Variants in DCDC2 observed in about 807,000 individuals in gnomAD.
The protein encoded by DCDC2 is doublecortin domain-containing protein 2.
Under a neutral mutation model 50.2 loss-of-function variants are expected in DCDC2, and 40 were observed. The observed-to-expected ratio is 0.80, with a 90% CI of 0.62 to 1.04. The LOEUF is 1.04. Among genes scored for constraint, DCDC2 ranks in the 50% least tolerant of loss-of-function variants. The pLI is 0.00. For synonymous variants in DCDC2, 234 were observed against 210.6 expected, an observed-to-expected ratio of 1.11 and a Z score of -0.96; for missense variants, 570 against 581.9, an observed-to-expected ratio of 0.98 and a Z score of 0.21.
intron 6 of DCDC2, among the ~76,000 whole-genome samples, chr6:24,284,011 C>A (rs981615660): frequency 2.0e-5 from 3 of 152,182 alleles, no homozygotes; most frequent in Non-Finnish European, 2.9e-5. Context: ...TGGTGTATAT[C>A]ACACGTATTG....
chr6:24,270,545 GTGTCCTT>G (rs541281507), intron 7 of DCDC2, among the ~76,000 whole-genome samples: 2 of 152,222 alleles, frequency 1.3e-5, no homozygotes, highest in African/African-American at 4.8e-5. Flanking sequence ...ACATTTATCT[GTGTCCTT>G]TACATGTGAC....
upstream of DCDC2, among the ~76,000 whole-genome samples, chr6:24,360,215 C>T (rs1760643178): frequency 6.6e-6 from 1 of 152,234 alleles, no homozygotes; most frequent in Admixed American, 6.5e-5. Flanking sequence ...TTGCGCCTGG[C>T]TCCTTGGGAT....
intron 1 of DCDC2, among the ~76,000 whole-genome samples, chr6:24,354,968 C>G (rs933948531): frequency 1.3e-5 from 2 of 152,134 alleles, no homozygotes; most frequent in Non-Finnish European, 2.9e-5. Context: ...TAAATGAAAG[C>G]CCACGAATTG....
chr6:24,379,070 T>C, the DCDC2 span, among the ~76,000 whole-genome samples: 1 of 150,062 alleles, frequency 6.7e-6, no homozygotes, highest in Non-Finnish European at 1.5e-5. Flanking sequence ...GACTTAAAGG[T>C]AAGATCTAAA....
chr6:24,271,207 CAAAAA>C (rs543819229), intron 7 of DCDC2, among the ~76,000 whole-genome samples: 9 of 39,410 alleles, frequency 2.3e-4, no homozygotes, highest in African/African-American at 5.2e-4. Flanking sequence ...GACACTCCCT[CAAAAA>C]AAAAAAAAAA....
chr6:24,219,512 A>C (rs1313574030), intron 7 of DCDC2, among the ~76,000 whole-genome samples: 2 of 152,192 alleles, frequency 1.3e-5, no homozygotes, highest in Non-Finnish European at 2.9e-5. Flanking sequence ...TAATCTGCCA[A>C]CCATGACCCA....
chr6:24,307,471 CA>C (rs531686168), intron 2 of DCDC2, among the ~76,000 whole-genome samples: 36 of 152,144 alleles, frequency 2.4e-4, no homozygotes, highest in Non-Finnish European at 4.6e-4. Context: ...AGCCAACCTA[CA>C]CAAAAAAGCT....
intron 2 of DCDC2, among the ~76,000 whole-genome samples, chr6:24,352,834 G>C (rs755828389): frequency 1.3e-5 from 2 of 152,224 alleles, no homozygotes; most frequent in Non-Finnish European, 2.9e-5. Flanking sequence ...AATGGGAAGA[G>C]TGGCTGTCTG....
intron 7 of DCDC2, among the ~76,000 whole-genome samples, chr6:24,257,621 T>C (rs951787340): frequency 3.3e-5 from 5 of 150,702 alleles, no homozygotes; most frequent in African/African-American, 1.2e-4. Flanking sequence ...CAAAGAGACA[T>C]ACAAAAGACA....
At chr6:24,198,921 A>G (rs548651055) in intron 8 of DCDC2, among the ~76,000 whole-genome samples, 31 of 152,344 alleles carry the variant, frequency 2.0e-4, no homozygotes, top group African/African-American at 7.5e-4. Context: ...AGCCCACTGT[A>G]GCTCCTCAAA....
intron 2 of DCDC2, among the ~76,000 whole-genome samples, chr6:24,320,654 C>T (rs1484428924): frequency 1.3e-5 from 2 of 152,074 alleles, no homozygotes; most frequent in East Asian, 3.8e-4. Context: ...TTTAAAATAT[C>T]TATTTGCATA....
At chr6:24,302,614 C>T (rs889322502) in intron 2 of DCDC2, among the ~76,000 whole-genome samples, 3 of 152,068 alleles carry the variant, frequency 2.0e-5, no homozygotes, top group African/African-American at 7.3e-5. Flanking sequence ...ATTCCCGCAG[C>T]CCTTGCCACT....
intron 7 of DCDC2, among the ~76,000 whole-genome samples, chr6:24,262,033 G>A (rs1763022448): frequency 6.6e-6 from 1 of 152,058 alleles, no homozygotes; most frequent in Non-Finnish European, 1.5e-5. Context: ...TATCAGGTAA[G>A]CAATCACAGT....
At chr6:24,313,196 G>A (rs1759602367) in intron 2 of DCDC2, among the ~76,000 whole-genome samples, 1 of 151,938 alleles carries the variant, frequency 6.6e-6, no homozygotes, top group Non-Finnish European at 1.5e-5. Context: ...ATTTGCAATG[G>A]GCACTTACAA....
chr6:24,256,159 A>G (rs964622517), intron 7 of DCDC2, among the ~76,000 whole-genome samples: 5 of 152,328 alleles, frequency 3.3e-5, no homozygotes, highest in African/African-American at 1.2e-4. Context: ...TTTATTTTTA[A>G]AAGTTTAAAA....
intron 7 of DCDC2, among the ~76,000 whole-genome samples, chr6:24,274,605 C>T (rs1372755484): frequency 1.2e-5 from 1 of 82,404 alleles, no homozygotes; most frequent in African/African-American, 4.6e-5. Context: ...GAAACAGAGT[C>T]AAAAAAAAAA....
chr6:24,354,665 T>A (rs1447066300), intron 1 of DCDC2, among the ~76,000 whole-genome samples: 1 of 152,114 alleles, frequency 6.6e-6, no homozygotes, highest in Non-Finnish European at 1.5e-5. Flanking sequence ...TACCAAAATA[T>A]TCTGTCATGT....
chr6:24,361,382 T>G (rs1002872094), upstream of DCDC2, among the ~76,000 whole-genome samples: 1 of 151,790 alleles, frequency 6.6e-6, no homozygotes, highest in African/African-American at 2.4e-5. Flanking sequence ...TGACACGAGT[T>G]ACCTATATAA....
chr6:24,232,344 T>C (rs1418547597), intron 7 of DCDC2, among the ~76,000 whole-genome samples: 1 of 152,144 alleles, frequency 6.6e-6, no homozygotes, highest in African/African-American at 2.4e-5. Flanking sequence ...AGAAGGACAT[T>C]CTCTCGTTTA....
Sources: allele counts gnomAD v4.1 joint callset (sites outside exome capture counted in the v4.1 genomes callset), GRCh38; gene constraint gnomAD v4.1.1; transcripts MANE v1.5; gene names NCBI Gene and HGNC (gene_info 2026-07-23, HGNC 2026-07-21).